KDM2A: variants seen among roughly 807,000 people sequenced by gnomAD.
The protein encoded by KDM2A is lysine-specific demethylase 2A.
In KDM2A, 3 loss-of-function variants were observed where a neutral mutation model predicts 137.3. That is an observed-to-expected ratio of 0.02 (90% confidence interval 0.01 to 0.06). The LOEUF is 0.06. KDM2A is among the 10% of genes least tolerant of loss of function. The pLI, the probability that KDM2A is intolerant of heterozygous loss-of-function variation, is 1.00. For missense variants in KDM2A, 738 were observed against 1,510.6 expected, an observed-to-expected ratio of 0.49 and a Z score of 8.48; for synonymous variants, 512 against 541.5, an observed-to-expected ratio of 0.95 and a Z score of 0.76.
chr11:67,228,702 AAG>A (rs912788910), intron 11 of KDM2A, among the ~76,000 whole-genome samples: 4 of 146,222 alleles, frequency 2.7e-5, no homozygotes, highest in Admixed American at 6.7e-5. Context: ...AAAAAAAAAA[AAG>A]AAAGAAAGAA....
intron 12 of KDM2A, among the ~76,000 whole-genome samples, chr11:67,237,458 C>T (rs1032325376): frequency 7.2e-6 from 1 of 139,438 alleles, no homozygotes; most frequent in African/African-American, 2.8e-5. Context: ...TTATTATTAT[C>T]ATTATTATTA....
intron 15 of KDM2A, 96 bp downstream of exon 15, chr11:67,246,212 C>T: frequency 7.5e-7 from 1 of 1,336,960 alleles, no homozygotes; most frequent in Non-Finnish European, 1.1e-6. Flanking sequence ...AGCATCCCTA[C>T]TGTAGGCCAT....
At chr11:67,149,662 TGAA>T (rs1395964379) in intron 2 of KDM2A, among the ~76,000 whole-genome samples, 1 of 151,638 alleles carries the variant, frequency 6.6e-6, no homozygotes, top group Non-Finnish European at 1.5e-5. Flanking sequence ...ATTTTATAGA[TGAA>T]GAATAGAAAA....
Position 67,119,833 on chromosome 11 carries a change from C to T in KDM2A, c.-300C>T, listed in dbSNP as rs1213153524. On this transcript the variant is annotated 5_prime_UTR_variant, in exon 1 of 21. Coordinates refer to ENST00000529006, the MANE Select transcript of KDM2A (RefSeq NM_012308.3). ...GGGCTCGGCGCCGAGGGGTCGCGCT[C>T]CTCTCTCCTGACGCCTCCGACTCCC... 4 of 151,810 alleles carry T rather than the reference C, an allele frequency of 2.6e-5. No homozygotes were observed. The allele number at this position is 151,810 out of a possible 1,614,324, so 9.4% of individuals were successfully genotyped here. A position where few individuals can be genotyped will look rare whatever the true frequency, so the allele number is the denominator to read the frequency against.
chr11:67,177,137 G>A (rs1178929135), intron 2 of KDM2A, among the ~76,000 whole-genome samples: 1 of 151,754 alleles, frequency 6.6e-6, no homozygotes, highest in Non-Finnish European at 1.5e-5. Flanking sequence ...GGGAGGCTGA[G>A]GCGAGAGAAT....
At chr11:67,217,308 G>A (rs1858196821) in intron 8 of KDM2A, among the ~76,000 whole-genome samples, 1 of 146,128 alleles carries the variant, frequency 6.8e-6, no homozygotes. Flanking sequence ...AAGTCATTTT[G>A]TTTGCTTCAG....
At chr11:67,148,216 G>A (rs1176606183) in intron 2 of KDM2A, among the ~76,000 whole-genome samples, 2 of 151,918 alleles carry the variant, frequency 1.3e-5, no homozygotes, top group Non-Finnish European at 2.9e-5. Context: ...GAACTCTGGG[G>A]TTTGAGACCA....
intron 2 of KDM2A, among the ~76,000 whole-genome samples, chr11:67,159,114 C>G (rs1460192502): frequency 5.3e-5 from 8 of 152,118 alleles, no homozygotes; most frequent in African/African-American, 1.9e-4. Context: ...CTTAGGCTTT[C>G]TCCTCTTATC....
At chr11:67,185,524 G>A (rs1249641603) in intron 5 of KDM2A, among the ~76,000 whole-genome samples, 1 of 151,960 alleles carries the variant, frequency 6.6e-6, no homozygotes, top group African/African-American at 2.4e-5. Context: ...AGCTACTTGG[G>A]AGGGCTCAGG....
chr11:67,209,148 G>A (rs1034154175), intron 6 of KDM2A, among the ~76,000 whole-genome samples: 3 of 151,738 alleles, frequency 2.0e-5, no homozygotes, highest in Non-Finnish European at 4.4e-5. Flanking sequence ...GGCCAGGCTG[G>A]TCTTGAACTC....
intron 5 of KDM2A, among the ~76,000 whole-genome samples, chr11:67,186,218 C>T (rs892489152): frequency 2.0e-5 from 3 of 151,860 alleles, no homozygotes; most frequent in Non-Finnish European, 4.4e-5. Flanking sequence ...CTTTCAAAAG[C>T]CAAAGACAAA....
intron 2 of KDM2A, among the ~76,000 whole-genome samples, chr11:67,128,284 C>T (rs1855777746): frequency 6.6e-6 from 1 of 151,988 alleles, no homozygotes; most frequent in Non-Finnish European, 1.5e-5. Context: ...TCCCCAGCTC[C>T]TGGGATTATA....
intron 2 of KDM2A, among the ~76,000 whole-genome samples, chr11:67,137,374 G>A (rs1371890244): frequency 1.3e-5 from 2 of 152,114 alleles, no homozygotes; most frequent in Non-Finnish European, 2.9e-5. Flanking sequence ...AATAGATTTA[G>A]GGAGATTAAT....
At chr11:67,172,616 T>TTGTGTGTG (rs35333315) in intron 2 of KDM2A, among the ~76,000 whole-genome samples, 29 of 146,526 alleles carry the variant, frequency 2.0e-4, no homozygotes, top group African/African-American at 5.5e-4. Context: ...GCTCTTATAG[T>TTGTGTGTG]TGTGTGTGTG....
intron 2 of KDM2A, among the ~76,000 whole-genome samples, chr11:67,140,492 C>G (rs1856074903): frequency 6.6e-6 from 1 of 152,138 alleles, no homozygotes; most frequent in Admixed American, 6.5e-5. Flanking sequence ...TGGTTCACTC[C>G]TGTAATCCCA....
intron 2 of KDM2A, among the ~76,000 whole-genome samples, chr11:67,135,139 T>C (rs573816524): frequency 4.2e-4 from 63 of 151,528 alleles, no homozygotes; most frequent in African/African-American, 1.3e-3. Context: ...CGCGATCTCG[T>C]CTCACCACAA....
At position 67,119,466 on chromosome 11, in the gene KDM2A, CGGAATCCCTCTTCTGCGACTGGG is replaced by C. The variant is rs1325938402; in HGVS notation, c.-665_-643del. 1 of 153,404 alleles carries C rather than the reference CGGAATCCCTCTTCTGCGACTGGG, an allele frequency of 6.5e-6. No homozygotes were observed. The highest frequency in any genetic ancestry group is 1.5e-5 in the Non-Finnish European group (1 of 68,430). The allele number at this position is 153,404 out of a possible 1,614,324, so 9.5% of individuals were successfully genotyped here. A position where few individuals can be genotyped will look rare whatever the true frequency, so the allele number is the denominator to read the frequency against. On this transcript the variant is annotated 5_prime_UTR_variant, in exon 1 of 21. Coordinates refer to ENST00000529006, the MANE Select transcript of KDM2A (RefSeq NM_012308.3). The stretch of plus-strand genomic sequence containing the variant: ...GGGCAACGCCAGGGGGCCCATCCCC[CGGAATCCCTCTTCTGCGACTGGG>C]GAGTAGCCGGGGGGCTCGTCCCGCA...
At chr11:67,252,893 C>T in intron 18 of KDM2A, 36 bp downstream of exon 18, 3 of 1,573,846 alleles carry the variant, frequency 1.9e-6, no homozygotes, top group African/African-American at 2.7e-5. Flanking sequence ...TTTCCAGGGG[C>T]CCAGAAGAAG....
At chr11:67,212,782 TA>T (rs35372040) in intron 6 of KDM2A, among the ~76,000 whole-genome samples, 558 of 142,386 alleles carry the variant, frequency 3.9e-3, no homozygotes, top group East Asian at 8.8e-3. Context: ...GAATGCGTGG[TA>T]AAAAAAAAAA....
Sources: gnomAD v4.1 joint callset for allele counts (sites outside exome capture counted in the v4.1 genomes callset) on GRCh38, gnomAD v4.1.1 for gene constraint, MANE v1.5 for transcripts, NCBI Gene and HGNC (gene_info 2026-07-23, HGNC 2026-07-21) for gene names.